PRDM5: variants seen among roughly 807,000 people sequenced by gnomAD.
PRDM5 encodes PR/SET domain 5, also known as PR domain zinc finger protein 5.
A neutral mutation model predicts 81.2 loss-of-function variants in PRDM5; 56 were observed. The observed-to-expected ratio is 0.69, with a 90% CI of 0.56 to 0.86. The LOEUF (loss-of-function observed/expected upper bound fraction) is 0.86, where lower values mean the gene tolerates loss of function less well. Ranked by LOEUF, PRDM5 falls within the 40% of genes least tolerant of loss-of-function variation. The pLI, the probability that PRDM5 is intolerant of heterozygous loss-of-function variation, is 0.00. For missense variants in PRDM5, 697 were observed against 770.1 expected (o/e 0.91, Z 1.12); for synonymous variants, 267 against 256.4 (o/e 1.04, Z -0.39).
intron 3 of PRDM5, among the ~76,000 whole-genome samples, chr4:120,823,954 A>C: frequency 6.6e-6 from 1 of 152,158 alleles, no homozygotes; most frequent in Admixed American, 6.5e-5. Flanking sequence ...AGAGCTGATT[A>C]TTAGAAAGAG....
intron 14 of PRDM5, among the ~76,000 whole-genome samples, chr4:120,737,113 T>C (rs968832328): frequency 6.6e-6 from 1 of 152,126 alleles, no homozygotes; most frequent in Non-Finnish European, 1.5e-5. Flanking sequence ...GTCAGGCAGA[T>C]AACTAGGGTG....
intron 7 of PRDM5, chr4:120,812,729 C>A (rs766275800): frequency 3.0e-4 from 112 of 368,230 alleles, no homozygotes; most frequent in South Asian, 2.0e-3. Flanking sequence ...TAAATGCTTT[C>A]TTTTTAAATT....
chr4:120,913,019 C>T (rs1299183198), intron 1 of PRDM5, among the ~76,000 whole-genome samples: 2 of 152,184 alleles, frequency 1.3e-5, no homozygotes, highest in African/African-American at 4.8e-5. Flanking sequence ...ACCAATCTTC[C>T]TTCCCCACTG....
chr4:120,720,859 G>A (rs1195315660), intron 14 of PRDM5, among the ~76,000 whole-genome samples: 1 of 152,150 alleles, frequency 6.6e-6, no homozygotes, highest in Admixed American at 6.5e-5. Flanking sequence ...GTTTTGCATT[G>A]TAGCTAATGA....
At chr4:120,862,607 C>A (rs1469469884) in intron 2 of PRDM5, among the ~76,000 whole-genome samples, 2 of 152,136 alleles carry the variant, frequency 1.3e-5, no homozygotes, top group Non-Finnish European at 2.9e-5. Flanking sequence ...CTTTGGTGGG[C>A]ATGGGAGAAC....
intron 4 of PRDM5, among the ~76,000 whole-genome samples, chr4:120,819,978 C>T (rs1030795472): frequency 6.6e-6 from 1 of 152,210 alleles, no homozygotes; most frequent in East Asian, 1.9e-4. Context: ...GAAAAGCATA[C>T]TACCACTTTG....
chr4:120,777,362 A>G, intron 12 of PRDM5, 81 bp from the exon 13 acceptor site: 1 of 1,594,064 alleles, frequency 6.3e-7, no homozygotes, highest in Non-Finnish European at 8.6e-7. Flanking sequence ...ACAATAGTAA[A>G]TCCTTATTTT....
At chr4:120,842,289 G>A (rs1231173103) in intron 3 of PRDM5, among the ~76,000 whole-genome samples, 3 of 152,176 alleles carry the variant, frequency 2.0e-5, no homozygotes, top group Non-Finnish European at 2.9e-5. Flanking sequence ...GTGACACTTT[G>A]CCAGACCAAA....
chr4:120,780,360 C>T (rs546444667), intron 12 of PRDM5, among the ~76,000 whole-genome samples: 2 of 152,178 alleles, frequency 1.3e-5, no homozygotes, highest in East Asian at 1.9e-4. Context: ...AGGAGGATCA[C>T]TTGAGCCCAG....
chr4:120,827,218 T>G (rs906023312), intron 3 of PRDM5, among the ~76,000 whole-genome samples: 7 of 152,198 alleles, frequency 4.6e-5, no homozygotes, highest in African/African-American at 1.7e-4. Context: ...GCTTAGATTG[T>G]ATCAGACTGG....
rs199602365 is a variant in PRDM5, at chr4:120,818,459, G to A, written c.544C>T (p.Leu182Phe). 156 of 1,613,592 alleles carry A rather than the reference G, an allele frequency of 9.7e-5. No individual in the cohort carries two copies. The highest frequency in any genetic ancestry group is 4.2e-4 in the Admixed American group (25 of 59,978). The part of the protein sequence containing the change: ...CESSFTSEDI[L>F]AEHLQTLHQK... ...TGCAATGTCTGGAGATGCTCAGCAAGAATATCCTCACTGGTAAAACTCGAT... is the reference window on the plus strand; with the variant it reads ...TGCAATGTCTGGAGATGCTCAGCAAAAATATCCTCACTGGTAAAACTCGAT... Residue 182 changes from leucine (L) to phenylalanine (F), a missense_variant, in exon 5 of 16, where the codon CTT becomes TTT. Leu to Phe is a conservative substitution (Grantham distance 22). Coordinates refer to ENST00000264808, the MANE Select transcript of PRDM5 (RefSeq NM_018699.4).
intron 2 of PRDM5, among the ~76,000 whole-genome samples, chr4:120,872,150 CAA>C (rs70948365): frequency 0.19 from 7,591 of 41,032 alleles, 198 homozygotes; most frequent in East Asian, 0.24. Context: ...GACTCCATCT[CAA>C]AAAAAAAAAA....
Position 120,736,533 on chromosome 4 carries a change from C to A in PRDM5, c.1623+18020G>T, listed in dbSNP as rs116552806. On this transcript the variant is annotated intron_variant, in intron 14 of 15. Transcript: ENST00000264808. ...TCAAAAGCTCCTCAAGAGCCCTGAG[C>A]GTAAAGCCCAAACATGTTTATCCAG... Among the ~76,000 whole-genome samples, 1,120 of 152,234 alleles carry A rather than the reference C, an allele frequency of 7.4e-3. 13 individuals carry two copies. The highest frequency in any genetic ancestry group is 0.026 in the African/African-American group (1,078 of 41,528).
intron 2 of PRDM5, among the ~76,000 whole-genome samples, chr4:120,906,379 CCCTA>C (rs1230745312): frequency 6.6e-6 from 1 of 152,144 alleles, no homozygotes; most frequent in Non-Finnish European, 1.5e-5. Flanking sequence ...ATAGGCTATA[CCCTA>C]TAGCTTAGGA....
chr4:120,697,545 G>C (rs1206054803), intron 15 of PRDM5, among the ~76,000 whole-genome samples: 1 of 148,360 alleles, frequency 6.7e-6, no homozygotes, highest in Non-Finnish European at 1.5e-5. Flanking sequence ...AGATGTCGCT[G>C]TCACCCATGC....
intron 3 of PRDM5, among the ~76,000 whole-genome samples, chr4:120,839,672 CAGGCAATCCCTAGCCTGA>C (rs997442437): frequency 2.0e-5 from 3 of 152,218 alleles, no homozygotes; most frequent in Non-Finnish European, 4.4e-5. Flanking sequence ...CCCCAGCCTT[CAGGCAATCCCTAGCCTGA>C]AGGTGGGGCC....
chr4:120,743,806 C>T (rs1325871554), intron 14 of PRDM5, among the ~76,000 whole-genome samples: 2 of 139,236 alleles, frequency 1.4e-5, no homozygotes, highest in Non-Finnish European at 3.1e-5. Flanking sequence ...TACAAAGAGA[C>T]TTAGACTCCC....
intron 2 of PRDM5, among the ~76,000 whole-genome samples, chr4:120,854,908 T>C (rs1181961888): frequency 6.6e-6 from 1 of 151,734 alleles, no homozygotes; most frequent in African/African-American, 2.4e-5. Flanking sequence ...GGCCTTCGGT[T>C]TGGAAATGAA....
At chr4:120,910,141 GA>G (rs541154783) in intron 1 of PRDM5, among the ~76,000 whole-genome samples, 2 of 151,876 alleles carry the variant, frequency 1.3e-5, no homozygotes, top group Non-Finnish European at 2.9e-5. Flanking sequence ...TTCACAGCTT[GA>G]AAAACACTGA....
Sources: allele counts gnomAD v4.1 joint callset (sites outside exome capture counted in the v4.1 genomes callset), GRCh38; gene constraint gnomAD v4.1.1; transcripts MANE v1.5; gene names NCBI Gene and HGNC (gene_info 2026-07-23, HGNC 2026-07-21).